FLT4: variants seen among roughly 807,000 people sequenced by gnomAD.
FLT4 encodes the protein vascular endothelial growth factor receptor 3.
FLT4 carries 30 observed loss-of-function variants against 163.2 expected under a neutral mutation model. The ratio of observed to expected loss-of-function variants is 0.18; its 90% CI spans 0.14 to 0.25. FLT4 has a LOEUF of 0.25. Among genes scored for constraint, FLT4 ranks in the 10% least tolerant of loss-of-function variants. The probability of loss-of-function intolerance (pLI) is 1.00; values close to 1 mark genes in which losing one functional copy is unlikely to be tolerated. For synonymous variants in FLT4, 884 were observed against 789.5 expected (o/e 1.12, Z -2.01); for missense variants, 1,510 against 1,863.8 (o/e 0.81, Z 3.50).
rs1262355715 is a variant in FLT4, at chr5:180,623,796, C to A, written c.1548+139G>T. 1.5e-5 allele frequency: 16 copies of A among 1,079,240 alleles called. No individual in the cohort carries two copies. The highest frequency in any genetic ancestry group is 2.3e-5 in the Non-Finnish European group (16 of 708,944). The allele number at this position is 1,079,240 out of a possible 1,614,324, so 66.9% of individuals were successfully genotyped here. On this transcript the variant is annotated intron_variant, in intron 11 of 29. Coordinates refer to ENST00000261937, the MANE Select transcript of FLT4 (RefSeq NM_182925.5). This position sits in a 1 kb window ranked among gnomAD's most constrained non-coding sequence, Gnocchi z 5.8. ...CTGCAGGCAGGGTGGCCGAGGCCTA[C>A]AGACTGCAGGAAGGTCACCCGCTCT...
At chr5:180,612,898 C>A in intron 25 of FLT4, 113 bp downstream of exon 25, 1 of 791,094 alleles carries the variant, frequency 1.3e-6, no homozygotes, top group Non-Finnish European at 2.1e-6. Flanking sequence ...AGGGTGGTGC[C>A]CAGGCCTGTC....
chr5:180,646,491 T>C (rs1765500073), intron 1 of FLT4, among the ~76,000 whole-genome samples: 1 of 152,182 alleles, frequency 6.6e-6, no homozygotes, highest in African/African-American at 2.4e-5. Context: ...TTCATGGGGT[T>C]CTTTGCTCTG....
Position 180,619,130 on chromosome 5 carries a change from G to C in FLT4, c.2762-21C>G, listed in dbSNP as rs888489662. On this transcript the variant is annotated intron_variant, in intron 19 of 29. Coordinates refer to ENST00000261937, the MANE Select transcript of FLT4 (RefSeq NM_182925.5). ...GGGGCCTGCGGCGGGACCGGGCGGC[G>C]GCCGTGCGTTCGGAACCCGGGGCGC... is the stretch of plus-strand genomic sequence containing the variant. 3 of 1,478,548 alleles carry C rather than the reference G, an allele frequency of 2.0e-6. No individual in the cohort carries two copies. The East Asian group carries it at 8.7e-5, about 43-fold the overall frequency. 91.6% of individuals were successfully genotyped at this position (1,478,548 alleles called of 1,614,324 possible). A position where few individuals can be genotyped will look rare whatever the true frequency, so the allele number is the denominator to read the frequency against.
intron 29 of FLT4, 55 bp downstream of exon 29, chr5:180,608,913 T>A (rs982827873): frequency 4.1e-6 from 6 of 1,467,722 alleles, no homozygotes; most frequent in Non-Finnish European, 5.7e-6. Context: ...GCCTCCCTCC[T>A]CCAGGGGAGG....
At chr5:180,614,907 C>T (rs1306602732) in intron 23 of FLT4, among the ~76,000 whole-genome samples, 1 of 152,194 alleles carries the variant, frequency 6.6e-6, no homozygotes, top group Non-Finnish European at 1.5e-5. Flanking sequence ...GAACCCTGAC[C>T]CGCCTTGGAG....
rs1763339950 is a variant in FLT4 at position 180,623,506 on chromosome 5, T to C, written c.1548+429A>G. Among the ~76,000 whole-genome samples the C allele has an allele frequency of 6.8e-6, 1 of 147,246 alleles. No individual in the cohort carries two copies. The highest frequency in any genetic ancestry group is 2.5e-5 in the African/African-American group (1 of 39,898). ...AACAGGAAGAGGCTCTGGAGGTGTGTAGGAAAACAGGAAGTGACTGGAGGA... is the reference window on the plus strand; with the variant it reads ...AACAGGAAGAGGCTCTGGAGGTGTGCAGGAAAACAGGAAGTGACTGGAGGA... On this transcript the variant is annotated intron_variant, in intron 11 of 29. Coordinates refer to ENST00000261937, the MANE Select transcript of FLT4 (RefSeq NM_182925.5). The surrounding 1 kb of genome is among the most constrained non-coding windows in gnomAD (Gnocchi z 5.8).
Position 180,601,652 on chromosome 5 carries a change from G to A in FLT4, c.*1540C>T, listed in dbSNP as rs1490697761. 6.0e-5 allele frequency: 14 copies of A among 233,190 alleles called. 1 individual carries two copies. Among genetic ancestry groups the A allele is most frequent in the Non-Finnish European group, 1.2e-4 (14 of 118,120 alleles). The allele number at this position is 233,190 out of a possible 1,614,324, so 14.4% of individuals were successfully genotyped here. On this transcript the variant is annotated 3_prime_UTR_variant, in exon 30 of 30. Transcript: ENST00000261937. ...TGGGTAGTGAGGAGAAGGGAGCAGA[G>A]GTGCGCGCCAGGAGCCAGGCTGGTT...
intron 1 of FLT4, among the ~76,000 whole-genome samples, chr5:180,638,073 G>C (rs573082307): frequency 6.6e-6 from 1 of 152,204 alleles, no homozygotes; most frequent in South Asian, 2.1e-4. Flanking sequence ...GCTCTCCCCT[G>C]GGCAGCATCT....
chr5:180,618,731 C>G (rs372816372), intron 21 of FLT4, 39 bp downstream of exon 21: 9 of 1,567,440 alleles, frequency 5.7e-6, no homozygotes, highest in Non-Finnish European at 7.8e-6. Context: ...TAACCGGGCC[C>G]GTCAGGCACT....
intron 29 of FLT4, 50 bp downstream of exon 29, chr5:180,608,918 G>A: frequency 5.4e-6 from 8 of 1,477,506 alleles, no homozygotes; most frequent in Non-Finnish European, 7.6e-6. Flanking sequence ...CCTCCTCCAG[G>A]GGAGGGCAAC....
chr5:180,611,243 G>C (rs1438964350), intron 27 of FLT4, 88 bp downstream of exon 27: 2 of 1,438,244 alleles, frequency 1.4e-6, no homozygotes, highest in East Asian at 2.4e-5. Flanking sequence ...CGCATGATTT[G>C]CTTTTCCCCG....
At chr5:180,606,915 A>AG in intron 29 of FLT4, among the ~76,000 whole-genome samples, 1 of 142,532 alleles carries the variant, frequency 7.0e-6, no homozygotes, top group African/African-American at 2.6e-5. Context: ...AAAAAAAAAA[A>AG]CAAACAAACA....
rs1398231508 is a variant in FLT4 at position 180,603,046 on chromosome 5, C to T, written c.*146G>A. The T allele has an allele frequency of 1.2e-6, 1 of 810,824 alleles. No individual in the cohort carries two copies. The highest frequency in any genetic ancestry group is 1.7e-5 in the African/African-American group (1 of 58,964). The allele number at this position is 810,824 out of a possible 1,614,324, so 50.2% of individuals were successfully genotyped here. A position where few individuals can be genotyped will look rare whatever the true frequency, so the allele number is the denominator to read the frequency against. ...GCCTTGGGCCTGGAGTCCTGCTCTT[C>T]CTAGCTGGGAAGTCTGCAGAGAGGG... On this transcript the variant is annotated 3_prime_UTR_variant, in exon 30 of 30. Coordinates refer to ENST00000261937, the MANE Select transcript of FLT4 (RefSeq NM_182925.5).
At position 180,603,137 on chromosome 5, in the gene FLT4, T is replaced by C; in HGVS notation, c.*55A>G. The stretch of plus-strand genomic sequence containing the variant: ...TTCCCAGCCTGGGCCTCCAGCCCTC[T>C]GCCCGCCCTGCCGGGCCTGAACCCC... On this transcript the variant is annotated 3_prime_UTR_variant, in exon 30 of 30. Transcript: ENST00000261937. 6.3e-7 allele frequency: 1 copy of C among 1,578,092 alleles called. No homozygotes were observed. The highest frequency in any genetic ancestry group is 1.1e-5 in the South Asian group (1 of 89,502).
chr5:180,605,276 A>G (rs1317590936), intron 29 of FLT4, among the ~76,000 whole-genome samples: 1 of 152,054 alleles, frequency 6.6e-6, no homozygotes, highest in African/African-American at 2.4e-5. Context: ...TCTATCTTTT[A>G]TTTCGATTTC....
chr5:180,628,922 G>A lies in FLT4; in HGVS notation c.1063C>T (p.Pro355Ser). The change falls in exon 8 of 30, where the codon CCC (proline) becomes TCC (serine). Residue 355 changes from proline to serine, a missense_variant. Physicochemically the swap from Pro to Ser is moderately conservative, Grantham distance 74 (BLOSUM62 -1). Transcript: ENST00000261937. The part of the protein sequence containing the change: ...ATAGDELVKL[P>S]VKLAAYPPPE... ...GGGGGGTACGCTGCCAGCTTCACGG[G>A]CAGCTTCACCAGCTCGTCTCCTGCC... The A allele has an allele frequency of 6.2e-7, 1 of 1,612,674 alleles. No homozygotes were observed. Among genetic ancestry groups the A allele is most frequent in the Non-Finnish European group, 8.5e-7 (1 of 1,179,908 alleles).
rs978419698 is a variant in FLT4 at position 180,606,277 on chromosome 5, G to A, written c.3893+2691C>T. Reference sequence around the variant, plus strand: ...CTTCCTCTACCACCAAGCATCCAAGGGGCTGCACTCCCTTCTGGCTCGCCG... The same window carrying A: ...CTTCCTCTACCACCAAGCATCCAAGAGGCTGCACTCCCTTCTGGCTCGCCG... On this transcript the variant is annotated intron_variant, in intron 29 of 29. Coordinates refer to ENST00000261937, the MANE Select transcript of FLT4 (RefSeq NM_182925.5). Among the ~76,000 whole-genome samples the A allele has an allele frequency of 2.0e-5, 3 of 152,288 alleles. No individual in the cohort carries two copies. The South Asian group carries it at 6.2e-4, about 32-fold the overall frequency.
intron 1 of FLT4, among the ~76,000 whole-genome samples, chr5:180,649,286 C>A (rs985704302): frequency 6.6e-6 from 1 of 151,848 alleles, no homozygotes; most frequent in Non-Finnish European, 1.5e-5. Context: ...GGCCCTGACC[C>A]GGCTGCGGTC....
chr5:180,649,926 A>G (rs906460422), upstream of FLT4, among the ~76,000 whole-genome samples: 4 of 152,300 alleles, frequency 2.6e-5, no homozygotes, highest in East Asian at 7.7e-4. Context: ...AGACTAAACA[A>G]GAAAGCAATC....
Sources: allele counts gnomAD v4.1 joint callset (sites outside exome capture counted in the v4.1 genomes callset), GRCh38; gene constraint gnomAD v4.1.1; non-coding constraint Gnocchi (gnomAD v3.1); transcripts MANE v1.5; gene names NCBI Gene and HGNC (gene_info 2026-07-23, HGNC 2026-07-21).